Variants in NFIA observed in about 807,000 individuals in gnomAD.
NFIA encodes the protein nuclear factor 1 A-type.
In NFIA, 8 loss-of-function variants were observed where a neutral mutation model predicts 62.8. That is an observed-to-expected ratio of 0.13 (90% CI 0.07 to 0.23). NFIA has a LOEUF of 0.23. Ranked by LOEUF, NFIA falls within the 10% of genes least tolerant of loss-of-function variation. The pLI is 1.00. For synonymous variants in NFIA, 235 were observed against 238.1 expected (o/e 0.99, Z 0.12); for missense variants, 410 against 642.1 (o/e 0.64, Z 3.91).
chr1:61,270,037 G>A (rs1413176889), intron 2 of NFIA, among the ~76,000 whole-genome samples: 1 of 152,148 alleles, frequency 6.6e-6, no homozygotes, highest in Non-Finnish European at 1.5e-5. Context: ...CCCAGTATAT[G>A]AGAATTAAGA....
At chr1:61,113,746 C>T (rs1646748337) in intron 2 of NFIA, among the ~76,000 whole-genome samples, 1 of 38,648 alleles carries the variant, frequency 2.6e-5, no homozygotes, top group African/African-American at 8.1e-5. Context: ...GAGCAGAGGC[C>T]ATGGTGGAGA....
chr1:61,348,482 G>A (rs750919444), intron 4 of NFIA, among the ~76,000 whole-genome samples: 1 of 152,162 alleles, frequency 6.6e-6, no homozygotes, highest in South Asian at 2.1e-4. Context: ...AGGCCACCTG[G>A]TGCCATTTGC....
intron 2 of NFIA, among the ~76,000 whole-genome samples, chr1:61,176,297 T>C (rs555083655): frequency 9.8e-5 from 15 of 152,334 alleles, no homozygotes; most frequent in African/African-American, 3.4e-4. Flanking sequence ...TTTGCCATTT[T>C]TTTTATTATA....
intron 6 of NFIA, among the ~76,000 whole-genome samples, chr1:61,360,068 A>G (rs1663201748): frequency 6.6e-6 from 1 of 152,144 alleles, no homozygotes; most frequent in African/African-American, 2.4e-5. Context: ...TATTTTTCCT[A>G]TTACTGGATA....
At chr1:61,144,042 A>G (rs1473526481) in intron 2 of NFIA, among the ~76,000 whole-genome samples, 1 of 152,220 alleles carries the variant, frequency 6.6e-6, no homozygotes, top group East Asian at 1.9e-4. Flanking sequence ...TCATTCAGCA[A>G]ATATTTTCTG....
intron 3 of NFIA, among the ~76,000 whole-genome samples, chr1:61,328,720 A>G (rs1212851907): frequency 9.6e-6 from 1 of 104,024 alleles, no homozygotes; most frequent in Non-Finnish European, 1.9e-5. Context: ...CACCCGGCCT[A>G]TAATTTTTTT....
At chr1:61,383,431 T>C (rs1664522484) in intron 7 of NFIA, 66 bp downstream of exon 7, 2 of 1,592,086 alleles carry the variant, frequency 1.3e-6, no homozygotes, top group South Asian at 1.1e-5. Context: ...AGTAGCAAAA[T>C]GAGAAACAAT....
intron 3 of NFIA, among the ~76,000 whole-genome samples, chr1:61,327,069 TATG>T (rs1163945281): frequency 1.3e-5 from 2 of 148,406 alleles, no homozygotes; most frequent in Non-Finnish European, 1.5e-5. Flanking sequence ...TATCTACTAT[TATG>T]ATATGTATAT....
chr1:61,417,782 G>A (rs1233982889), intron 9 of NFIA, among the ~76,000 whole-genome samples: 1 of 152,076 alleles, frequency 6.6e-6, no homozygotes, highest in East Asian at 1.9e-4. Context: ...TTCTTTACTT[G>A]TATCAATTAT....
chr1:61,142,651 C>CTAATTCCTTTACT (rs1647617213), intron 2 of NFIA, among the ~76,000 whole-genome samples: 1 of 152,132 alleles, frequency 6.6e-6, no homozygotes, highest in Admixed American at 6.5e-5. Context: ...TTCCTTTACT[C>CTAATTCCTTTACT]GTAATTTTAG....
chr1:61,225,834 A>G (rs778332934), intron 2 of NFIA, among the ~76,000 whole-genome samples: 16 of 152,182 alleles, frequency 1.1e-4, no homozygotes, highest in South Asian at 2.1e-4. Flanking sequence ...AAAAACACAC[A>G]CAATACAACA....
intron 2 of NFIA, among the ~76,000 whole-genome samples, chr1:61,211,689 A>G (rs1410826567): frequency 6.6e-6 from 1 of 151,982 alleles, no homozygotes; most frequent in Non-Finnish European, 1.5e-5. Context: ...GAAGGGTGCT[A>G]TTTTTCTTTT....
At chr1:61,407,241 C>T (rs1020418874) in intron 9 of NFIA, among the ~76,000 whole-genome samples, 6 of 152,096 alleles carry the variant, frequency 3.9e-5, no homozygotes, top group African/African-American at 1.2e-4. Context: ...GGCAGAAGAT[C>T]AATGCTAGTA....
intron 2 of NFIA, among the ~76,000 whole-genome samples, chr1:61,089,713 T>A (rs1216487014): frequency 6.6e-6 from 1 of 150,824 alleles, no homozygotes; most frequent in Non-Finnish European, 1.5e-5. Flanking sequence ...TTTTTTTTTT[T>A]TACAAAGGAG....
chr1:61,439,666 G>T (rs1283082331), intron 10 of NFIA: 1 of 152,212 alleles, frequency 6.6e-6, no homozygotes, highest in African/African-American at 2.4e-5. Flanking sequence ...ATGAATTGTG[G>T]TTATGGGAAA....
At chr1:61,450,250 C>T (rs556005266) in intron 10 of NFIA, among the ~76,000 whole-genome samples, 2 of 152,284 alleles carry the variant, frequency 1.3e-5, no homozygotes, top group African/African-American at 4.8e-5. Context: ...TGAATAAATG[C>T]TCCCAAATGG....
upstream of NFIA, chr1:61,082,528 G>A: frequency 1.5e-6 from 2 of 1,374,814 alleles, no homozygotes; most frequent in Non-Finnish European, 1.9e-6. Flanking sequence ...CGTACAGTAG[G>A]CATGTATAGT....
At chr1:61,446,146 C>T (rs1314647045) in intron 10 of NFIA, among the ~76,000 whole-genome samples, 1 of 152,122 alleles carries the variant, frequency 6.6e-6, no homozygotes, top group Non-Finnish European at 1.5e-5. Context: ...AAGTTCAGGC[C>T]CCTCAGCAAG....
At chr1:61,419,222 T>C (rs373329579) in intron 9 of NFIA, among the ~76,000 whole-genome samples, 188 of 152,232 alleles carry the variant, frequency 1.2e-3, no homozygotes, top group South Asian at 3.5e-3. Context: ...GCAGGAAGAT[T>C]GCTTGAAACC....
Sources: allele counts gnomAD v4.1 joint callset (sites outside exome capture counted in the v4.1 genomes callset), GRCh38; gene constraint gnomAD v4.1.1; transcripts MANE v1.5; gene names NCBI Gene and HGNC (gene_info 2026-07-23, HGNC 2026-07-21).